The following LRRC20 variants were observed in gnomAD, a reference collection of about 807,000 sequenced individuals.
LRRC20 encodes leucine rich repeat containing 20, also known as leucine-rich repeat-containing protein 20.
In LRRC20, 11 loss-of-function variants were observed where a neutral mutation model predicts 14.4. The observed-to-expected ratio is 0.77, with a 90% confidence interval of 0.48 to 1.27. LRRC20 has a LOEUF of 1.27. LRRC20 is among the 50% of genes most tolerant of loss of function. LRRC20 has a pLI of 0.00. For missense variants in LRRC20, 219 were observed against 251.2 expected (o/e 0.87, Z 0.87); for synonymous variants, 121 against 107.3 (o/e 1.13, Z -0.79).
chr10:70,372,515 C>T (rs1360817285), intron 2 of LRRC20, among the ~76,000 whole-genome samples: 5 of 148,670 alleles, frequency 3.4e-5, no homozygotes, highest in Non-Finnish European at 7.4e-5. Context: ...AATCTCAGCT[C>T]ACTGCAGGCT....
chr10:70,382,037 T>C (rs769635918), intron 1 of LRRC20: 2 of 152,132 alleles, frequency 1.3e-5, no homozygotes, highest in African/African-American at 2.4e-5. Context: ...ACTGGGAGAA[T>C]AAAGCTGGCA....
At chr10:70,350,187 T>C (rs1366507737) in intron 2 of LRRC20, among the ~76,000 whole-genome samples, 1 of 152,164 alleles carries the variant, frequency 6.6e-6, no homozygotes, top group Admixed American at 6.5e-5. Flanking sequence ...TAAGGGGCAA[T>C]GCCAGGCTCC....
chr10:70,350,465 C>A (rs898014505), intron 2 of LRRC20, among the ~76,000 whole-genome samples: 1 of 152,178 alleles, frequency 6.6e-6, no homozygotes, highest in African/African-American at 2.4e-5. Flanking sequence ...CTCGTTAATT[C>A]TAATGAATGC....
chr10:70,319,173 GAAAAAAA>G (rs11439728), intron 4 of LRRC20, among the ~76,000 whole-genome samples: 25 of 125,306 alleles, frequency 2.0e-4, no homozygotes, highest in African/African-American at 7.2e-4. Context: ...GGTGTATAGG[GAAAAAAA>G]AAAAAAAAAA....
intron 3 of LRRC20, among the ~76,000 whole-genome samples, chr10:70,324,582 A>G (rs538513912): frequency 6.6e-6 from 1 of 152,234 alleles, no homozygotes; most frequent in African/African-American, 2.4e-5. Flanking sequence ...AAAGCTGGCC[A>G]GCGACCTGTG....
intron 2 of LRRC20, among the ~76,000 whole-genome samples, chr10:70,373,104 C>T (rs1417616928): frequency 2.6e-5 from 1 of 38,358 alleles, no homozygotes; most frequent in Non-Finnish European, 6.9e-5. Flanking sequence ...AAGATGACTC[C>T]ATCTCAAAAA....
chr10:70,324,051 G>C, intron 3 of LRRC20, 21 bp from the exon 4 acceptor site: 2 of 1,612,378 alleles, frequency 1.2e-6, no homozygotes, highest in Non-Finnish European at 1.7e-6. Flanking sequence ...CAGGGAAGGA[G>C]AGAGAACAGG....
At chr10:70,364,740 C>T (rs531626611) in intron 2 of LRRC20, among the ~76,000 whole-genome samples, 1 of 152,238 alleles carries the variant, frequency 6.6e-6, no homozygotes, top group South Asian at 2.1e-4. Flanking sequence ...CAGGTGGGCC[C>T]GGGAGGGACG....
chr10:70,306,328 A>C (rs1841424666), intron 4 of LRRC20, among the ~76,000 whole-genome samples: 1 of 152,080 alleles, frequency 6.6e-6, no homozygotes. Context: ...AGGTGCCCTA[A>C]CATCCTGTAC....
chr10:70,362,292 C>T lies in LRRC20; in HGVS notation c.82+14160G>A, dbSNP rs745537080. Among the ~76,000 whole-genome samples the T allele has an allele frequency of 6.6e-4, 100 of 152,220 alleles. 2 individuals carry two copies. The highest frequency in any genetic ancestry group is 2.6e-4 in the Admixed American group (4 of 15,280). ...CAAAGGGAACAGTATGTGCAAAGGCCTGTGGCTAGAAAGGCTTAATAGTTC... is the reference window on the plus strand; with the variant it reads ...CAAAGGGAACAGTATGTGCAAAGGCTTGTGGCTAGAAAGGCTTAATAGTTC... On this transcript the variant is annotated intron_variant, in intron 2 of 4. Transcript: ENST00000446961.
At chr10:70,362,866 T>C (rs1843798761) in intron 2 of LRRC20, among the ~76,000 whole-genome samples, 2 of 152,142 alleles carry the variant, frequency 1.3e-5, no homozygotes, top group African/African-American at 4.8e-5. Flanking sequence ...AATTCATAGG[T>C]TAAAATCTAA....
intron 2 of LRRC20, among the ~76,000 whole-genome samples, chr10:70,374,133 G>C (rs1055273578): frequency 1.3e-5 from 2 of 152,046 alleles, no homozygotes; most frequent in African/African-American, 4.8e-5. Context: ...GTGGTAACTG[G>C]GCAGGGCCTC....
chr10:70,322,738 C>T (rs973115159), intron 4 of LRRC20, among the ~76,000 whole-genome samples: 4 of 152,142 alleles, frequency 2.6e-5, no homozygotes, highest in African/African-American at 7.2e-5. Context: ...TATCCTGGCA[C>T]CGCGGCAGTC....
chr10:70,315,708 T>C (rs1302129291), intron 4 of LRRC20, among the ~76,000 whole-genome samples: 1 of 152,142 alleles, frequency 6.6e-6, no homozygotes, highest in Non-Finnish European at 1.5e-5. Flanking sequence ...CTGCTTCCTC[T>C]CCCTGTCCCA....
At chr10:70,331,058 C>T (rs1242866683) in intron 3 of LRRC20, among the ~76,000 whole-genome samples, 3 of 152,178 alleles carry the variant, frequency 2.0e-5, no homozygotes, top group Non-Finnish European at 4.4e-5. Flanking sequence ...TCCGTGAAGA[C>T]GTGGACTTGG....
intron 2 of LRRC20, among the ~76,000 whole-genome samples, chr10:70,363,562 G>A (rs78607464): frequency 0.038 from 5,746 of 152,266 alleles, 162 homozygotes; most frequent in East Asian, 0.056. Flanking sequence ...CCTCAAGTGG[G>A]TAGAGGCTAG....
chr10:70,323,088 T>G (rs1842154611), intron 4 of LRRC20, among the ~76,000 whole-genome samples: 2 of 152,076 alleles, frequency 1.3e-5, no homozygotes, highest in Non-Finnish European at 2.9e-5. Flanking sequence ...GAACAGCATT[T>G]CCACATCAGA....
intron 2 of LRRC20, among the ~76,000 whole-genome samples, chr10:70,360,363 T>TTCCTCC (rs372690258): frequency 1.3e-5 from 2 of 149,776 alleles, no homozygotes; most frequent in African/African-American, 4.9e-5. Context: ...CCTCATTGCT[T>TTCCTCC]TCCTCCTCCT....
intron 1 of LRRC20, among the ~76,000 whole-genome samples, chr10:70,377,242 C>T (rs1195962234): frequency 1.3e-5 from 2 of 152,122 alleles, no homozygotes; most frequent in Non-Finnish European, 2.9e-5. Context: ...CAGCCTGATG[C>T]TGAGTTTATC....
Sources: allele counts gnomAD v4.1 joint callset (sites outside exome capture counted in the v4.1 genomes callset), GRCh38; gene constraint gnomAD v4.1.1; transcripts MANE v1.5; gene names NCBI Gene and HGNC (gene_info 2026-07-23, HGNC 2026-07-21).